CCDC40: variants seen among roughly 807,000 people sequenced by gnomAD.
The protein encoded by CCDC40 is coiled-coil domain-containing protein 40.
Under a neutral mutation model 124.5 loss-of-function variants are expected in CCDC40, and 104 were observed. The ratio of observed to expected loss-of-function variants is 0.84; its 90% CI spans 0.71 to 0.98. CCDC40 has a LOEUF of 0.98. CCDC40 is among the 50% of genes least tolerant of loss of function. The pLI is 0.00. For synonymous variants in CCDC40, 580 were observed against 602.9 expected (o/e 0.96, Z 0.56); for missense variants, 1,463 against 1,503.9 (o/e 0.97, Z 0.45).
In CCDC40 at chr17:80,099,633, A is replaced by G; in HGVS notation, c.3287A>G (p.Glu1096Gly). 6.2e-7 allele frequency: 1 copy of G among 1,613,584 alleles called. No individual in the cohort carries two copies. The highest frequency in any genetic ancestry group is 8.5e-7 in the Non-Finnish European group (1 of 1,180,030). ...CGCTCCAAGCAGTCCCTAGTGCTGG[A>G]GCGCCAGCGCCTGGACAAGCGACTG... ...LFRSKQSLVL[E>G]RQRLDKRLAL... is the part of the protein sequence containing the mutation. The change falls in exon 20 of 20, where the codon GAG becomes GGG. Residue 1096 changes from glutamate to glycine, a missense_variant. Coordinates refer to ENST00000397545, the MANE Select transcript of CCDC40 (RefSeq NM_017950.4).
chr17:80,036,852 C>G (rs917341011), intron 1 of CCDC40, 161 bp downstream of exon 1: 10 of 605,016 alleles, frequency 1.7e-5, no homozygotes, highest in East Asian at 1.4e-4. Context: ...TGGCCTTTCC[C>G]GTCCACTGCG....
At chr17:80,040,926 G>A (rs2143580657) in intron 3 of CCDC40, among the ~76,000 whole-genome samples, 1 of 152,256 alleles carries the variant, frequency 6.6e-6, no homozygotes, top group Admixed American at 6.5e-5. Flanking sequence ...TGGAGGAATG[G>A]AGCTTTTAAC....
At position 80,047,379 on chromosome 17, in the gene CCDC40, A is replaced by G. The variant is rs746211349; in HGVS notation, c.653A>G (p.Glu218Gly). The change falls in exon 4 of 20, where the codon GAG becomes GGG. Residue 218 changes from glutamate (E) to glycine (G), a missense_variant. Coordinates refer to ENST00000397545, the MANE Select transcript of CCDC40 (RefSeq NM_017950.4). ...HGSDIESSDLEEFVSQEPVIP... is the reference protein window; with the variant it reads ...HGSDIESSDLGEFVSQEPVIP... ...AGCGACATCGAGTCCTCAGACCTGG[A>G]GGAGTTCGTCTCGCAGGAGCCAGGT... 1.9e-6 allele frequency: 3 copies of G among 1,613,228 alleles called. No individual in the cohort carries two copies. The African/African-American group carries it at 4.0e-5, about 22-fold the overall frequency.
Position 80,086,525 on chromosome 17 carries a change from T to G in CCDC40, c.2449+309T>G, listed in dbSNP as rs2038592459. On this transcript the variant is annotated intron_variant, in intron 14 of 19. Coordinates refer to ENST00000397545, the MANE Select transcript of CCDC40 (RefSeq NM_017950.4). This position sits in a 1 kb window ranked among gnomAD's most constrained non-coding sequence, Gnocchi z 5.5. Reference sequence around the variant, plus strand: ...TCCCCGCCAAGCCAGGGCACTCAGGTGGAAACACTGGCACGGGAAAAGCCA... The same window carrying G: ...TCCCCGCCAAGCCAGGGCACTCAGGGGGAAACACTGGCACGGGAAAAGCCA... 2.7e-6 allele frequency: 1 copy of G among 367,308 alleles called. No homozygotes were observed. The highest frequency in any genetic ancestry group is 2.1e-5 in the African/African-American group (1 of 47,212). 22.8% of individuals were successfully genotyped at this position (367,308 alleles called of 1,614,324 possible).
chr17:80,071,419 T>C (rs1345070164), intron 10 of CCDC40, among the ~76,000 whole-genome samples: 1 of 152,228 alleles, frequency 6.6e-6, no homozygotes, highest in Admixed American at 6.5e-5. Context: ...GGCAGTGTCC[T>C]GGGAGAGAAC....
In CCDC40 at chr17:80,089,785, G is replaced by A. The variant is rs2038663659; in HGVS notation, c.2733G>A (p.Glu911=). ...AAAGACACCAGATTATGCTTTGGGAGAAAAAAATCCAACTGGCAAAAGAGA... is the reference window on the plus strand; with the variant it reads ...AAAGACACCAGATTATGCTTTGGGAAAAAAAAATCCAACTGGCAAAAGAGA... ...VEAEHQIMLW[E]KKIQLAKEMR... The change falls in exon 17 of 20, where the codon GAG becomes GAA. Residue 911 remains glutamate, a synonymous_variant. Coordinates refer to ENST00000397545, the MANE Select transcript of CCDC40 (RefSeq NM_017950.4). The A allele has an allele frequency of 1.2e-6, 2 of 1,614,112 alleles. No individual in the cohort carries two copies. The highest frequency in any genetic ancestry group is 1.7e-6 in the Non-Finnish European group (2 of 1,180,038).
chr17:80,099,880 C>G lies in CCDC40; in HGVS notation c.*105C>G. The stretch of plus-strand genomic sequence containing the variant: ...TTGTGTTCCTAAAAACCACATGTAC[C>G]CTCAGAAGGGCATCGTTTAAGAGAA... On this transcript the variant is annotated 3_prime_UTR_variant, in exon 20 of 20. Transcript: ENST00000397545. The G allele has an allele frequency of 7.8e-7, 1 of 1,278,280 alleles. No individual in the cohort carries two copies. The highest frequency in any genetic ancestry group is 1.1e-6 in the Non-Finnish European group (1 of 908,370). The allele number at this position is 1,278,280 out of a possible 1,614,324, so 79.2% of individuals were successfully genotyped here.
intron 10 of CCDC40, among the ~76,000 whole-genome samples, chr17:80,069,849 G>T (rs1329981892): frequency 1.3e-5 from 2 of 152,188 alleles, no homozygotes; most frequent in African/African-American, 4.8e-5. Context: ...CTGAGGGCTT[G>T]CCCTAATCTC....
rs1359351908 is a variant in CCDC40, at chr17:80,097,373, C to A, written c.3150C>A (p.Asp1050Glu). 3.7e-6 allele frequency: 6 copies of A among 1,614,022 alleles called. No homozygotes were observed. In the East Asian group the frequency reaches 8.9e-5, roughly 24 times the overall value. ...IQADFDTLEADLTRLGALKRQ... is the reference protein window; with the variant it reads ...IQADFDTLEAELTRLGALKRQ... ...CAGACTTCGACACACTCGAGGCCGA[C>A]CTCACCCGGCTTGGGGCCCTCAAAC... Residue 1050 changes from aspartate (D) to glutamate (E), a missense_variant, in exon 19 of 20, where the codon GAC (aspartate) becomes GAA (glutamate). Asp to Glu is a conservative substitution (Grantham distance 45). Transcript: ENST00000397545.
chr17:80,067,819 G>A (rs2038087232), intron 10 of CCDC40: 5 of 1,439,618 alleles, frequency 3.5e-6, no homozygotes, highest in Non-Finnish European at 4.5e-6. Context: ...TGACAGCTCA[G>A]CATGTTGTCA....
At chr17:80,078,627 G>A (rs948700232) in intron 10 of CCDC40, among the ~76,000 whole-genome samples, 8 of 152,060 alleles carry the variant, frequency 5.3e-5, no homozygotes, top group African/African-American at 1.7e-4. Context: ...ATTCTGTTCC[G>A]TTGATCTTTT....
At position 80,081,837 on chromosome 17, in the gene CCDC40, C is replaced by G. The variant is rs199791020; in HGVS notation, c.1807-39C>G. The G allele has an allele frequency of 4.3e-6, 7 of 1,613,964 alleles. No homozygotes were observed. The Admixed American group carries it at 1.0e-4, about 23-fold the overall frequency. On this transcript the variant is annotated intron_variant, in intron 11 of 19. Transcript: ENST00000397545. ...GGTCACACCTGGCGCACGGTGGTGC[C>G]TCTTCAGGCACGTGCACCCTGTGGC...
intron 1 of CCDC40, among the ~76,000 whole-genome samples, chr17:80,037,609 A>G (rs1043430368): frequency 2.7e-4 from 40 of 149,424 alleles, no homozygotes; most frequent in African/African-American, 9.6e-4. Context: ...ATCACAGGGA[A>G]CTGTCACTGT....
At chr17:80,067,599 A>G (rs1363557639) in intron 10 of CCDC40, 8 of 1,536,104 alleles carry the variant, frequency 5.2e-6, no homozygotes, top group Non-Finnish European at 4.4e-6. Flanking sequence ...TCTACGGGGA[A>G]GCTTCCTGCC....
chr17:80,079,464 A>G (rs1428399960), intron 10 of CCDC40, among the ~76,000 whole-genome samples: 5 of 152,162 alleles, frequency 3.3e-5, no homozygotes. Context: ...GTCAGAACAC[A>G]TAGAAATCAC....
chr17:80,092,514 T>C (rs1193071776), intron 17 of CCDC40, among the ~76,000 whole-genome samples: 1 of 152,342 alleles, frequency 6.6e-6, no homozygotes, highest in South Asian at 2.1e-4. Context: ...GAATGTCACA[T>C]AAATGGATCA....
intron 10 of CCDC40, chr17:80,067,787 G>T: frequency 6.9e-7 from 1 of 1,457,408 alleles, no homozygotes; most frequent in South Asian, 1.4e-5. Flanking sequence ...CACGCCCCCG[G>T]CAGCGGTGTT....
chr17:80,097,869 C>A, intron 19 of CCDC40: 1 of 183,524 alleles, frequency 5.4e-6, no homozygotes, highest in Non-Finnish European at 1.1e-5. Flanking sequence ...CACTGCACTC[C>A]AGCCTGGGTG....
intron 16 of CCDC40, 67 bp from the exon 17 acceptor site, chr17:80,089,696 AG>A: frequency 6.3e-7 from 1 of 1,586,900 alleles, no homozygotes; most frequent in Non-Finnish European, 8.7e-7. Context: ...AAAGCCTTAG[AG>A]TGTGAGCTCA....
Sources: gnomAD v4.1 joint callset for allele counts (sites outside exome capture counted in the v4.1 genomes callset) on GRCh38, gnomAD v4.1.1 for gene constraint, Gnocchi (gnomAD v3.1) non-coding constraint, MANE v1.5 for transcripts, NCBI Gene and HGNC (gene_info 2026-07-23, HGNC 2026-07-21) for gene names.